Variants in CCDC148 observed in about 807,000 individuals in gnomAD.
CCDC148 encodes the protein coiled-coil domain containing 148, also known as coiled-coil domain-containing protein 148.
A neutral mutation model predicts 85.7 loss-of-function variants in CCDC148; 89 were observed. The observed-to-expected ratio is 1.04, with a 90% CI of 0.87 to 1.24. CCDC148 has a LOEUF of 1.24. CCDC148 is among the 50% of genes most tolerant of loss of function. The probability of loss-of-function intolerance (pLI) is 0.00; values close to 1 mark genes in which losing one functional copy is unlikely to be tolerated. For synonymous variants in CCDC148, 230 were observed against 213.9 expected (o/e 1.08, Z -0.66); for missense variants, 692 against 671.7 (o/e 1.03, Z -0.33).
chr2:158,392,230 T>C (rs1685342589), intron 1 of CCDC148, among the ~76,000 whole-genome samples: 1 of 152,144 alleles, frequency 6.6e-6, no homozygotes, highest in South Asian at 2.1e-4. Context: ...GGTCCAGTCA[T>C]TGTGCTAGGC....
chr2:158,264,421 G>T lies in CCDC148; in HGVS notation c.1111-13509C>A, dbSNP rs1031669698. ...CTGGGAAAAAATCATAAAAGAAAGA[G>T]ACTTCCATTATCATCAGCAGAACCC... On this transcript the variant is annotated intron_variant, in intron 9 of 13. Transcript: ENST00000283233. Among the ~76,000 whole-genome samples, 4 of 152,020 alleles carry T rather than the reference G, an allele frequency of 2.6e-5. No individual in the cohort carries two copies. In the South Asian group the frequency reaches 6.2e-4, roughly 24 times the overall value.
chr2:158,346,575 A>C (rs1429067960), intron 2 of CCDC148, among the ~76,000 whole-genome samples: 1 of 152,106 alleles, frequency 6.6e-6, no homozygotes, highest in East Asian at 1.9e-4. Context: ...CTAAATCCTC[A>C]AGTGATGTCT....
intron 1 of CCDC148, among the ~76,000 whole-genome samples, chr2:158,437,609 T>G (rs1687722910): frequency 6.6e-6 from 1 of 152,128 alleles, no homozygotes; most frequent in African/African-American, 2.4e-5. Context: ...TTCAACATAG[T>G]GTTGGAAGTG....
At chr2:158,187,301 C>T (rs1685199856) in intron 11 of CCDC148, among the ~76,000 whole-genome samples, 2 of 150,676 alleles carry the variant, frequency 1.3e-5, no homozygotes. Context: ...ATTCTTCAGT[C>T]TCTCTCTCTC....
At chr2:158,361,501 T>G (rs543679579) in intron 1 of CCDC148, among the ~76,000 whole-genome samples, 21 of 152,078 alleles carry the variant, frequency 1.4e-4, no homozygotes, top group Admixed American at 4.6e-4. Flanking sequence ...CAAGCCAGAA[T>G]ACAGTGGGGG....
intron 11 of CCDC148, among the ~76,000 whole-genome samples, chr2:158,213,049 AT>A (rs1686661747): frequency 6.6e-6 from 1 of 152,160 alleles, no homozygotes; most frequent in Admixed American, 6.5e-5. Flanking sequence ...GGGGGTCAGA[AT>A]TTTCCCCAGA....
intron 10 of CCDC148, among the ~76,000 whole-genome samples, chr2:158,233,236 C>T (rs918401055): frequency 6.6e-6 from 1 of 152,048 alleles, no homozygotes; most frequent in East Asian, 1.9e-4. Context: ...ATATACATAG[C>T]ATTGTTATAT....
chr2:158,247,723 G>T (rs1688625289), intron 10 of CCDC148, among the ~76,000 whole-genome samples: 1 of 151,992 alleles, frequency 6.6e-6, no homozygotes, highest in South Asian at 2.1e-4. Flanking sequence ...AGGTATAGTG[G>T]CGGGCACCTG....
chr2:158,183,344 T>C (rs1684996721), intron 11 of CCDC148, among the ~76,000 whole-genome samples: 4 of 152,150 alleles, frequency 2.6e-5, no homozygotes, highest in African/African-American at 9.7e-5. Context: ...GAAATGAGTA[T>C]ACAAATGCAA....
rs180888059 is a variant in CCDC148 at position 158,238,114 on chromosome 2, G to A, written c.1251+12658C>T. 4.6e-4 allele frequency among the ~76,000 whole-genome samples: 70 copies of A among 152,198 alleles called. No individual in the cohort carries two copies. The South Asian group carries it at 5.2e-3, about 11-fold the overall frequency. On this transcript the variant is annotated intron_variant, in intron 10 of 13. Transcript: ENST00000283233. ...CTGGAGACACTGTGTATAGGCCAGG[G>A]AATGATGAGATTTTCTGAAGAGGGC...
At chr2:158,285,708 T>C (rs1010713512) in intron 9 of CCDC148, among the ~76,000 whole-genome samples, 1 of 151,808 alleles carries the variant, frequency 6.6e-6, no homozygotes, top group African/African-American at 2.4e-5. Context: ...TTTTTTTTTT[T>C]TGTATTTTTA....
intron 9 of CCDC148, among the ~76,000 whole-genome samples, chr2:158,263,829 G>A (rs1399762570): frequency 6.6e-6 from 1 of 152,012 alleles, no homozygotes; most frequent in East Asian, 1.9e-4. Flanking sequence ...ATCCTTTCCT[G>A]TAATTAGGGG....
At chr2:158,237,860 G>A (rs1688177447) in intron 10 of CCDC148, among the ~76,000 whole-genome samples, 1 of 152,152 alleles carries the variant, frequency 6.6e-6, no homozygotes, top group Non-Finnish European at 1.5e-5. Flanking sequence ...AGTTTACTGA[G>A]AGGAAGATAC....
chr2:158,197,454 T>C (rs1685734040), intron 11 of CCDC148, among the ~76,000 whole-genome samples: 1 of 152,154 alleles, frequency 6.6e-6, no homozygotes, highest in Non-Finnish European at 1.5e-5. Context: ...GAAGATCTTA[T>C]TTACTAAGGT....
intron 1 of CCDC148, among the ~76,000 whole-genome samples, chr2:158,423,118 A>G (rs1050638712): frequency 6.6e-6 from 1 of 152,184 alleles, no homozygotes; most frequent in Non-Finnish European, 1.5e-5. Context: ...ATGCTCATGG[A>G]TAGGAAGAAT....
chr2:158,278,444 G>C (rs1690072860), intron 9 of CCDC148, among the ~76,000 whole-genome samples: 1 of 152,192 alleles, frequency 6.6e-6, no homozygotes, highest in African/African-American at 2.4e-5. Context: ...TTTTCCGATG[G>C]GCTTAAAAAA....
At chr2:158,348,938 G>GT (rs1270219790) in intron 2 of CCDC148, among the ~76,000 whole-genome samples, 1 of 152,028 alleles carries the variant, frequency 6.6e-6, no homozygotes, top group African/African-American at 2.4e-5. Context: ...GGAATGTACA[G>GT]TTACACACAA....
chr2:158,222,123 T>C (rs1216944713), intron 10 of CCDC148, among the ~76,000 whole-genome samples: 1 of 152,200 alleles, frequency 6.6e-6, no homozygotes, highest in African/African-American at 2.4e-5. Context: ...ATTAAGCTAC[T>C]TCAAAACAAA....
In CCDC148 at chr2:158,297,506, T is replaced by C. The variant is rs140597964; in HGVS notation, c.1110+11927A>G. Among the ~76,000 whole-genome samples, 22 of 152,268 alleles carry C rather than the reference T, an allele frequency of 1.4e-4. No individual in the cohort carries two copies. In the East Asian group the frequency reaches 4.1e-3, roughly 28 times the overall value. ...CTTGGACCAGGAGAATGATGAATCA[T>C]TACTGATTCTGTCTGTTTTTCATCT... On this transcript the variant is annotated intron_variant, in intron 9 of 13. Transcript: ENST00000283233.
Sources: gnomAD v4.1 joint callset for allele counts (sites outside exome capture counted in the v4.1 genomes callset) on GRCh38, gnomAD v4.1.1 for gene constraint, MANE v1.5 for transcripts, NCBI Gene and HGNC (gene_info 2026-07-23, HGNC 2026-07-21) for gene names.